Variants in USP22 observed in about 807,000 individuals in gnomAD.
USP22 encodes the protein ubiquitin carboxyl-terminal hydrolase 22.
In USP22, 22 loss-of-function variants were observed where a neutral mutation model predicts 68.1. The ratio of observed to expected loss-of-function variants is 0.32; its 90% CI spans 0.23 to 0.46. The LOEUF is 0.46. Among genes scored for constraint, USP22 ranks in the 20% least tolerant of loss-of-function variants. The pLI, the probability that USP22 is intolerant of heterozygous loss-of-function variation, is 1.00. For missense variants in USP22, 433 were observed against 695.8 expected, an observed-to-expected ratio of 0.62 and a Z score of 4.25; for synonymous variants, 279 against 274.2, an observed-to-expected ratio of 1.02 and a Z score of -0.17.
intron 2 of USP22, among the ~76,000 whole-genome samples, chr17:21,026,452 T>G (rs1972220657): frequency 6.6e-6 from 1 of 151,872 alleles, no homozygotes; most frequent in African/African-American, 2.4e-5. Flanking sequence ...CCTGAGTGAG[T>G]AGCTGGGACC....
At chr17:21,026,748 TG>T (rs1243959461) in intron 2 of USP22, among the ~76,000 whole-genome samples, 5 of 151,816 alleles carry the variant, frequency 3.3e-5, no homozygotes, top group African/African-American at 1.2e-4. Flanking sequence ...AAGGATCGCT[TG>T]AGCCCAGGAG....
At chr17:21,032,474 T>C (rs781252893) in intron 1 of USP22, among the ~76,000 whole-genome samples, 55 of 152,182 alleles carry the variant, frequency 3.6e-4, no homozygotes, top group Non-Finnish European at 4.4e-4. Flanking sequence ...AGGAATAGCC[T>C]CTGGAGTGGC....
Position 21,004,238 on chromosome 17 carries a change from GTGA to G in USP22, c.1496_1498del (p.Ile499del). The G allele has an allele frequency of 6.2e-7, 1 of 1,614,196 alleles. No homozygotes were observed. The highest frequency in any genetic ancestry group is 8.5e-7 in the Non-Finnish European group (1 of 1,180,028). On this transcript the variant is annotated inframe_deletion, in exon 12 of 13. Transcript: ENST00000261497. ...CAGGACGTCCTTGATGCTGGCCTTG[GTGA>G]TGATGGCATCGTCACACTTGAACCA...
At position 21,027,483 on chromosome 17, in the gene USP22, C is replaced by A. The variant is rs1185553121; in HGVS notation, c.304+1059G>T. 2.6e-5 allele frequency among the ~76,000 whole-genome samples: 4 copies of A among 152,074 alleles called. 1 individual carries two copies. The highest frequency in any genetic ancestry group is 1.9e-4 in the East Asian group (1 of 5,176). ...ATGTTTTTAAAAGAGCATCAAATTA[C>A]AGAACTTCAGGGCGGGAAAGCCTAA... On this transcript the variant is annotated intron_variant, in intron 2 of 12. Coordinates refer to ENST00000261497, the MANE Select transcript of USP22 (RefSeq NM_015276.2).
At chr17:21,024,918 G>A (rs1972201973) in intron 2 of USP22, among the ~76,000 whole-genome samples, 1 of 152,200 alleles carries the variant, frequency 6.6e-6, no homozygotes, top group South Asian at 2.1e-4. Context: ...GCAGTGAGCT[G>A]TGATTGTGCC....
chr17:21,016,686 C>T (rs1972087296), intron 5 of USP22, among the ~76,000 whole-genome samples: 1 of 152,220 alleles, frequency 6.6e-6, no homozygotes, highest in African/African-American at 2.4e-5. Flanking sequence ...AGAAAGGCTA[C>T]TTCCTGCATG....
chr17:21,022,974 T>C (rs1972175336), intron 2 of USP22, among the ~76,000 whole-genome samples: 4 of 152,128 alleles, frequency 2.6e-5, no homozygotes, highest in Admixed American at 2.6e-4. Flanking sequence ...TGTACATATA[T>C]ACCATGGGAT....
At chr17:21,041,580 AAAGCGAG>A (rs1247329087) in intron 1 of USP22, among the ~76,000 whole-genome samples, 2 of 152,228 alleles carry the variant, frequency 1.3e-5, no homozygotes, top group Non-Finnish European at 2.9e-5. Flanking sequence ...CCTGGGGTAC[AAAGCGAG>A]ACTTCGTCTC....
chr17:21,038,738 A>T (rs144727569), intron 1 of USP22, among the ~76,000 whole-genome samples: 2 of 152,262 alleles, frequency 1.3e-5, no homozygotes, highest in East Asian at 3.9e-4. Context: ...ATAAAATTTT[A>T]GATTCAAAGA....
intron 2 of USP22, among the ~76,000 whole-genome samples, chr17:21,022,798 CA>C (rs574597364): frequency 2.1e-4 from 27 of 127,648 alleles, no homozygotes; most frequent in African/African-American, 4.9e-4. Context: ...GACTCCGTCT[CA>C]AAAAAAAAAA....
Position 21,004,342 on chromosome 17 carries a change from C to G in USP22, c.1395G>C (p.Leu465=), listed in dbSNP as rs903992994. 2.5e-6 allele frequency: 4 copies of G among 1,614,012 alleles called. No individual in the cohort carries two copies. Among genetic ancestry groups the G allele is most frequent in the Admixed American group, 1.7e-5 (1 of 60,008 alleles). The change falls in exon 12 of 13, where the codon CTG becomes CTC. Residue 465 remains leucine (L), a synonymous_variant. Coordinates refer to ENST00000261497, the MANE Select transcript of USP22 (RefSeq NM_015276.2). Reference sequence around the variant, plus strand: ...TCCCTTGATGGTTAACAACAGCAAACAGGGAATACCTAGTGCAGGAGCAAA... The same window carrying G: ...TCCCTTGATGGTTAACAACAGCAAAGAGGGAATACCTAGTGCAGGAGCAAA... ...DSLNNDNKYS[L]FAVVNHQGTL...
rs1913627807 is a variant in USP22 at position 21,002,679 on chromosome 17, C to T, written c.*352G>A. ...CTTACAGCAGGTAGGGGCCTTTCCACACCGAGTGCTGGGGAACGCCAGGCA... is the reference window on the plus strand; with the variant it reads ...CTTACAGCAGGTAGGGGCCTTTCCATACCGAGTGCTGGGGAACGCCAGGCA... On this transcript the variant is annotated 3_prime_UTR_variant, in exon 13 of 13. Coordinates refer to ENST00000261497, the MANE Select transcript of USP22 (RefSeq NM_015276.2). 3 of 316,278 alleles carry T rather than the reference C, an allele frequency of 9.5e-6. No homozygotes were observed. The highest frequency in any genetic ancestry group is 2.9e-5 in the South Asian group (1 of 34,028). The allele number at this position is 316,278 out of a possible 1,614,324, so 19.6% of individuals were successfully genotyped here.
rs1001062082 is a variant in USP22 at position 20,999,904 on chromosome 17, T to C, written c.*3127A>G. Reference sequence around the variant, plus strand: ...GCAGTGGTGCTGGCGCTGGAGGGAATGCCCAGGGAGGCTGCAGTGCTCACC... The same window carrying C: ...GCAGTGGTGCTGGCGCTGGAGGGAACGCCCAGGGAGGCTGCAGTGCTCACC... On this transcript the variant is annotated 3_prime_UTR_variant, in exon 13 of 13. Coordinates refer to ENST00000261497, the MANE Select transcript of USP22 (RefSeq NM_015276.2). The C allele has an allele frequency of 1.3e-5, 2 of 152,266 alleles. No homozygotes were observed. Among genetic ancestry groups the C allele is most frequent in the Admixed American group, 6.5e-5 (1 of 15,282 alleles). 9.4% of individuals were successfully genotyped at this position (152,266 alleles called of 1,614,324 possible).
At chr17:21,025,789 AG>A (rs1169296029) in intron 2 of USP22, among the ~76,000 whole-genome samples, 1 of 152,252 alleles carries the variant, frequency 6.6e-6, no homozygotes, top group African/African-American at 2.4e-5. Flanking sequence ...TATCCAGGAA[AG>A]GAGAACCCAC....
chr17:21,029,612 T>C (rs1972264377), intron 1 of USP22, among the ~76,000 whole-genome samples: 1 of 152,196 alleles, frequency 6.6e-6, no homozygotes, highest in African/African-American at 2.4e-5. Context: ...CATTCACAAC[T>C]GTGAAAATAG....
chr17:21,012,342 A>AT (rs756332156), intron 7 of USP22, among the ~76,000 whole-genome samples: 6 of 152,166 alleles, frequency 3.9e-5, no homozygotes, highest in African/African-American at 9.7e-5. Flanking sequence ...AAAGCAATGG[A>AT]TTCTCCCTGC....
Position 21,019,110 on chromosome 17 carries a change from C to T in USP22, c.494G>A (p.Arg165Lys). The change falls in exon 4 of 13, where the codon AGA (arginine) becomes AAA (lysine). Residue 165 changes from arginine to lysine, a missense_variant. Arg to Lys is a conservative substitution (Grantham distance 26, BLOSUM62 2). Around this residue, in one of 4 missense-constraint regions of USP22, gnomAD observed 144 missense variants for 237.2 expected, o/e 0.61. Coordinates refer to ENST00000261497, the MANE Select transcript of USP22 (RefSeq NM_015276.2). ...TATGGTGCAGTTCGAGGTGATCTTT[C>T]TCCTTTTCGGGTTGTGCTTCAGCAG... ...LELLKHNPKRRKITSNCTIGL... is the reference protein window; with the variant it reads ...LELLKHNPKRKKITSNCTIGL... The T allele has an allele frequency of 1.2e-6, 2 of 1,614,202 alleles. No homozygotes were observed. The highest frequency in any genetic ancestry group is 1.7e-6 in the Non-Finnish European group (2 of 1,180,018).
chr17:21,024,776 T>C (rs1284035480), intron 2 of USP22, among the ~76,000 whole-genome samples: 1 of 151,990 alleles, frequency 6.6e-6, no homozygotes, highest in Non-Finnish European at 1.5e-5. Context: ...AGATAAGCCT[T>C]GGAAACATGG....
intron 8 of USP22, among the ~76,000 whole-genome samples, chr17:21,008,808 C>T (rs1212235387): frequency 6.6e-6 from 1 of 152,004 alleles, no homozygotes; most frequent in Non-Finnish European, 1.5e-5. Flanking sequence ...GGTGAGAGGT[C>T]GGCCAGGTGC....
Sources: allele counts gnomAD v4.1 joint callset (sites outside exome capture counted in the v4.1 genomes callset), GRCh38; gene constraint gnomAD v4.1.1; regional missense constraint gnomAD v4.1.1; transcripts MANE v1.5; gene names NCBI Gene and HGNC (gene_info 2026-07-23, HGNC 2026-07-21).